The following HNRNPA2B1 variants were observed in gnomAD, a reference collection of about 807,000 sequenced individuals.
HNRNPA2B1 encodes the protein heterogeneous nuclear ribonucleoproteins A2/B1.
Under a neutral mutation model 46.3 loss-of-function variants are expected in HNRNPA2B1, and 3 were observed. The observed-to-expected ratio is 0.06, with a 90% CI of 0.03 to 0.17. The LOEUF (loss-of-function observed/expected upper bound fraction) is 0.17, where lower values mean the gene tolerates loss of function less well. Ranked by LOEUF, HNRNPA2B1 falls within the 10% of genes least tolerant of loss-of-function variation. The pLI is 1.00. For missense variants in HNRNPA2B1, 221 were observed against 418.9 expected, an observed-to-expected ratio of 0.53 and a Z score of 4.12; for synonymous variants, 225 against 133.8, an observed-to-expected ratio of 1.68 and a Z score of -4.70.
In HNRNPA2B1 at chr7:26,200,306, C is replaced by G. The variant is rs1784265045; in HGVS notation, c.6+266G>C. On this transcript the variant is annotated intron_variant, in intron 1 of 10. Transcript: ENST00000618183. ...TCCCGCCTCCGCGCCCCACTTTCAC[C>G]CCAGCGGGGCAGCGTCCGCCATGTG... is the stretch of plus-strand genomic sequence containing the variant. 1.9e-5 allele frequency: 10 copies of G among 537,438 alleles called. No homozygotes were observed. The South Asian group carries it at 1.9e-4, about 10-fold the overall frequency. The allele number at this position is 537,438 out of a possible 1,614,324, so 33.3% of individuals were successfully genotyped here. A position where few individuals can be genotyped will look rare whatever the true frequency, so the allele number is the denominator to read the frequency against.
rs1782832970 is a variant in HNRNPA2B1 at position 26,190,860 on chromosome 7, T to A, written c.*1500A>T. ...TGATAAGCATGTACAGTTACAACCA[T>A]AAATACAACAAATGTCTTTAATAAA... is the stretch of plus-strand genomic sequence containing the variant. On this transcript the variant is annotated 3_prime_UTR_variant, in exon 11 of 11. Transcript: ENST00000618183. The A allele has an allele frequency of 6.6e-6, 1 of 152,592 alleles. No homozygotes were observed. The highest frequency in any genetic ancestry group is 2.4e-5 in the African/African-American group (1 of 41,442). 9.5% of individuals were successfully genotyped at this position (152,592 alleles called of 1,614,324 possible).
Position 26,193,353 on chromosome 7 carries a change from A to T in HNRNPA2B1, c.862T>A (p.Tyr288Asn). The change falls in exon 9 of 11, where the codon TAC becomes AAC. Residue 288 changes from tyrosine to asparagine, a missense_variant. Around this residue, in one of 2 missense-constraint regions of HNRNPA2B1, gnomAD observed 143 missense variants for 200.5 expected, o/e 0.71. Transcript: ENST00000618183. ...TGGTTATAATTTCCAAAATCATTGT[A>T]ATTTCCACTTCCATAATTTCCTATT... ...YGGGNYGSGN[Y>N]NDFGNYNQQP... 1.2e-6 allele frequency: 2 copies of T among 1,611,354 alleles called. No individual in the cohort carries two copies. The highest frequency in any genetic ancestry group is 1.7e-6 in the Non-Finnish European group (2 of 1,177,598).
rs1029027404 is a variant in HNRNPA2B1, at chr7:26,196,898, G to A, written c.384C>T (p.Thr128=). The A allele has an allele frequency of 5.6e-6, 9 of 1,613,552 alleles. No homozygotes were observed. Among genetic ancestry groups the A allele is most frequent in the African/African-American group, 5.3e-5 (4 of 74,872 alleles). Residue 128 remains threonine, a synonymous_variant, in exon 4 of 11, where the codon ACC becomes ACT. Coordinates refer to ENST00000618183, the MANE Select transcript of HNRNPA2B1 (RefSeq NM_002137.4). ...ACTGCCTATCAGTAATTATCTCAAT[G>A]GTATCAATTTTTCCATATTCCTCAA... ...DYFEEYGKID[T]IEIITDRQSG...
intron 1 of HNRNPA2B1, chr7:26,199,898 G>T (rs1784174574): frequency 6.6e-6 from 1 of 152,194 alleles, no homozygotes; most frequent in Non-Finnish European, 1.5e-5. Context: ...TCTTCGGTGT[G>T]GCTTCCGAAC....
At position 26,196,995 on chromosome 7, in the gene HNRNPA2B1, T is replaced by A. The variant is rs1383013389; in HGVS notation, c.287A>T (p.His96Leu). The change falls in exon 4 of 11, where the codon CAT becomes CTT. Residue 96 changes from histidine (H) to leucine (L), a missense_variant. Physicochemically the swap from His to Leu is moderately conservative, Grantham distance 99. This residue lies in a region of HNRNPA2B1 where 78 missense variants were observed against 218.5 expected (regional missense o/e 0.36). Transcript: ENST00000618183. The stretch of plus-strand genomic sequence containing the variant: ...AACAAACAGCTTCTTCACAGTTACA[T>A]GAGCCCCTGGTTTTCCAGATTCCTA... ...AREESGKPGA[H>L]VTVKKLFVGG... The A allele has an allele frequency of 1.9e-6, 3 of 1,613,070 alleles. No homozygotes were observed. Among genetic ancestry groups the A allele is most frequent in the Non-Finnish European group, 2.5e-6 (3 of 1,179,822 alleles).
chr7:26,195,749 TATAAA>T, intron 7 of HNRNPA2B1, 93 bp downstream of exon 7: 1 of 1,337,802 alleles, frequency 7.5e-7, no homozygotes. Flanking sequence ...TAGACACTAA[TATAAA>T]ATGTTTAAAA....
rs1015815849 is a variant in HNRNPA2B1 at position 26,197,679 on chromosome 7, G to A, written c.60C>T (p.Thr20=). Reference sequence around the variant, plus strand: ...AGTAGTTCCTCAAACTTTCTTCTGTGGTTTCAAAGCTTAAGCCACCAATAA... The same window carrying A: ...AGTAGTTCCTCAAACTTTCTTCTGTAGTTTCAAAGCTTAAGCCACCAATAA... ...KLFIGGLSFE[T]TEESLRNYYE... The change falls in exon 2 of 11, where the codon ACC becomes ACT. Residue 20 remains threonine (T), a synonymous_variant. Transcript: ENST00000618183. The A allele has an allele frequency of 1.2e-6, 2 of 1,613,878 alleles. No homozygotes were observed. Among genetic ancestry groups the A allele is most frequent in the Admixed American group, 3.3e-5 (2 of 60,004 alleles).
chr7:26,198,969 A>G (rs1426634824), intron 1 of HNRNPA2B1: 1 of 152,186 alleles, frequency 6.6e-6, no homozygotes, highest in Non-Finnish European at 1.5e-5. Flanking sequence ...CGTAAAAATT[A>G]AAGAAAAAAT....
At chr7:26,198,578 T>G (rs1210298664) in intron 1 of HNRNPA2B1, 1 of 152,284 alleles carries the variant, frequency 6.6e-6, no homozygotes, top group Non-Finnish European at 1.5e-5. Context: ...CTTACTTGAT[T>G]GGCCATGTGG....
rs969254540 is a variant in HNRNPA2B1, at chr7:26,191,721, G to T, written c.*639C>A. 2 of 152,244 alleles carry T rather than the reference G, an allele frequency of 1.3e-5. No homozygotes were observed. The highest frequency in any genetic ancestry group is 4.8e-5 in the African/African-American group (2 of 41,422). 9.4% of individuals were successfully genotyped at this position (152,244 alleles called of 1,614,324 possible). A position where few individuals can be genotyped will look rare whatever the true frequency, so the allele number is the denominator to read the frequency against. On this transcript the variant is annotated 3_prime_UTR_variant, in exon 11 of 11. Transcript: ENST00000618183. ...CATAATTTAATCCTGATGAATTGCA[G>T]ACAACACACTTACATCTGACCAGCA...
At chr7:26,197,756 A>G (rs1562718793) in intron 1 of HNRNPA2B1, 24 bp from the exon 2 acceptor site, 1 of 1,601,744 alleles carries the variant, frequency 6.2e-7, no homozygotes. Flanking sequence ...TACCATTTCA[A>G]TTTTTATTTA....
chr7:26,198,812 A>G (rs945853465), intron 1 of HNRNPA2B1: 3 of 152,212 alleles, frequency 2.0e-5, no homozygotes, highest in African/African-American at 7.2e-5. Flanking sequence ...GTAATTTTCA[A>G]TCAATTATTT....
rs1036188675 is a variant in HNRNPA2B1 at position 26,197,414 on chromosome 7, T to A, written c.165A>T (p.Val55=). The part of the protein sequence containing the change: ...ASKRSRGFGF[V]TFSSMAEVDA... ...CAACCTCAGCCATGGATGAAAAAGT[T>A]ACAAAACCAAATCCTCTTGATCTTT... The change falls in exon 3 of 11, where the codon GTA becomes GTT. Residue 55 remains valine, a synonymous_variant. Coordinates refer to ENST00000618183, the MANE Select transcript of HNRNPA2B1 (RefSeq NM_002137.4). The A allele has an allele frequency of 1.2e-6, 2 of 1,614,106 alleles. No individual in the cohort carries two copies. The highest frequency in any genetic ancestry group is 1.7e-6 in the Non-Finnish European group (2 of 1,179,982).
rs1437051039 is a variant in HNRNPA2B1 at position 26,190,299 on chromosome 7, A to G, written c.*2061T>C. 1 of 152,628 alleles carries G rather than the reference A, an allele frequency of 6.6e-6. No homozygotes were observed. The highest frequency in any genetic ancestry group is 1.5e-5 in the Non-Finnish European group (1 of 68,018). The allele number at this position is 152,628 out of a possible 1,614,324, so 9.5% of individuals were successfully genotyped here. ...TTGTTTTATATCAAGAACCTCAACT[A>G]AATGTTTGTTTTATCAGAAAACATT... is the stretch of plus-strand genomic sequence containing the variant. On this transcript the variant is annotated 3_prime_UTR_variant, in exon 11 of 11. Transcript: ENST00000618183.
At chr7:26,199,273 T>C (rs1039530202) in intron 1 of HNRNPA2B1, 5 of 152,524 alleles carry the variant, frequency 3.3e-5, no homozygotes, top group Admixed American at 2.0e-4. Context: ...TCAAAGAAAA[T>C]AACCAGGTAG....
intron 7 of HNRNPA2B1, among the ~76,000 whole-genome samples, chr7:26,194,108 G>C (rs115723396): frequency 6.6e-6 from 1 of 152,120 alleles, no homozygotes; most frequent in Non-Finnish European, 1.5e-5. Flanking sequence ...TTAAAACAAT[G>C]TTCTCGGTTG....
intron 9 of HNRNPA2B1, 131 bp from the exon 10 acceptor site, chr7:26,192,708 G>GT (rs1460212336): frequency 2.7e-6 from 2 of 744,944 alleles, no homozygotes; most frequent in African/African-American, 3.5e-5. Flanking sequence ...TTTGCAGCCA[G>GT]TTAGCAGAAT....
At chr7:26,197,809 A>C in intron 1 of HNRNPA2B1, 77 bp from the exon 2 acceptor site, 1 of 1,603,918 alleles carries the variant, frequency 6.2e-7, no homozygotes, top group Non-Finnish European at 8.5e-7. Flanking sequence ...CTTAAATATG[A>C]GGTGACCTGC....
intron 1 of HNRNPA2B1, chr7:26,199,065 T>C (rs969653596): frequency 5.3e-5 from 8 of 152,284 alleles, no homozygotes; most frequent in African/African-American, 1.9e-4. Context: ...TTTCATTTTT[T>C]CAGCTAGTTT....
Sources: gnomAD v4.1 joint callset for allele counts (sites outside exome capture counted in the v4.1 genomes callset) on GRCh38, gnomAD v4.1.1 for gene constraint, gnomAD v4.1.1 regional missense constraint, MANE v1.5 for transcripts, NCBI Gene and HGNC (gene_info 2026-07-23, HGNC 2026-07-21) for gene names.